Variants in LGR6 observed in about 807,000 individuals in gnomAD.
The protein encoded by LGR6 is leucine-rich repeat-containing G protein-coupled receptor 6.
Under a neutral mutation model 69.4 loss-of-function variants are expected in LGR6, and 45 were observed. That is an observed-to-expected ratio of 0.65 (90% CI 0.51 to 0.83). The LOEUF is 0.83. Ranked by LOEUF, LGR6 falls within the 40% of genes least tolerant of loss-of-function variation. The pLI is 0.00. For missense variants in LGR6, 1,108 were observed against 1,246.7 expected (o/e 0.89, Z 1.68); for synonymous variants, 538 against 555.0 (o/e 0.97, Z 0.43).
chr1:202,261,098 T>TATA (rs1664198022), intron 4 of LGR6, among the ~76,000 whole-genome samples: 1 of 151,992 alleles, frequency 6.6e-6, no homozygotes, highest in Admixed American at 6.6e-5. Context: ...TTATTATTAT[T>TATA]ATACTTTAAG....
chr1:202,278,451 G>A (rs1300213494), intron 5 of LGR6, among the ~76,000 whole-genome samples: 3 of 152,126 alleles, frequency 2.0e-5, no homozygotes, highest in East Asian at 3.9e-4. Flanking sequence ...GACAAGGAGG[G>A]ACAAGGGACT....
rs532147584 is a variant in LGR6, at chr1:202,210,776, G to A, written c.213-14647G>A. On this transcript the variant is annotated intron_variant, in intron 1 of 17. Coordinates refer to ENST00000367278, the MANE Select transcript of LGR6 (RefSeq NM_001017403.2). ...AAAATTTCCATCCAATTCCAAACAA[G>A]CTAGGACGAACAAAGGTATGTGCCT... 5 of 152,156 alleles carry A rather than the reference G, an allele frequency of 3.3e-5. No homozygotes were observed. The South Asian group carries it at 1.0e-3, about 32-fold the overall frequency. 9.4% of individuals were successfully genotyped at this position (152,156 alleles called of 1,614,324 possible).
At chr1:202,249,707 A>G (rs2148055231) in intron 4 of LGR6, among the ~76,000 whole-genome samples, 1 of 152,244 alleles carries the variant, frequency 6.6e-6, no homozygotes, top group African/African-American at 2.4e-5. Flanking sequence ...CACTGCATCC[A>G]ATCAATCAAG....
In LGR6 at chr1:202,194,160, G is replaced by C; in HGVS notation, c.171G>C (p.Leu57=). The C allele has an allele frequency of 1.3e-6, 2 of 1,573,560 alleles. No homozygotes were observed. The highest frequency in any genetic ancestry group is 2.4e-5 in the East Asian group (1 of 41,576). ...CTGCCGACTGCTCTGAGCTCGGGCT[G>C]TCCGCCGTTCCGGGGGACCTGGACC... is the stretch of plus-strand genomic sequence containing the variant. ...MLSADCSELG[L]SAVPGDLDPL... The change falls in exon 1 of 18, where the codon CTG becomes CTC. Residue 57 remains leucine, a synonymous_variant. Coordinates refer to ENST00000367278, the MANE Select transcript of LGR6 (RefSeq NM_001017403.2).
chr1:202,260,470 A>G (rs777061800), intron 4 of LGR6, among the ~76,000 whole-genome samples: 1 of 152,058 alleles, frequency 6.6e-6, no homozygotes, highest in Non-Finnish European at 1.5e-5. Context: ...AGTAGCTAGG[A>G]CTACAGGCAT....
At chr1:202,208,459 G>T (rs1338706087) in intron 1 of LGR6, among the ~76,000 whole-genome samples, 3 of 152,022 alleles carry the variant, frequency 2.0e-5, no homozygotes, top group Non-Finnish European at 1.5e-5. Flanking sequence ...AGACTGTGAT[G>T]TGAGGGAGGT....
intron 10 of LGR6, among the ~76,000 whole-genome samples, chr1:202,303,934 CAT>C (rs1355667960): frequency 2.0e-5 from 3 of 152,158 alleles, no homozygotes; most frequent in African/African-American, 7.2e-5. Flanking sequence ...GATTCACTGG[CAT>C]GTGGAAAATT....
intron 9 of LGR6, among the ~76,000 whole-genome samples, chr1:202,302,886 T>C (rs1166827297): frequency 6.6e-6 from 1 of 152,142 alleles, no homozygotes; most frequent in African/African-American, 2.4e-5. Context: ...CAGATGACAA[T>C]TTAGGGGTGA....
intron 16 of LGR6, among the ~76,000 whole-genome samples, chr1:202,314,227 C>G (rs1023052843): frequency 6.6e-6 from 1 of 152,184 alleles, no homozygotes; most frequent in African/African-American, 2.4e-5. Flanking sequence ...CCTAACAGTC[C>G]TTCAGCCCTT....
At chr1:202,226,132 A>G (rs60295471) in intron 2 of LGR6, among the ~76,000 whole-genome samples, 2,615 of 152,184 alleles carry the variant, frequency 0.017, 96 homozygotes, top group African/African-American at 0.06. Context: ...GGATTCTTCA[A>G]TCTGGCCTTA....
intron 4 of LGR6, among the ~76,000 whole-genome samples, chr1:202,264,540 C>T (rs1664498053): frequency 6.6e-6 from 1 of 152,284 alleles, no homozygotes; most frequent in East Asian, 1.9e-4. Context: ...CCACGAAGGT[C>T]GCCAGAAACC....
At chr1:202,231,952 C>T (rs368626530) in intron 3 of LGR6, among the ~76,000 whole-genome samples, 2 of 152,156 alleles carry the variant, frequency 1.3e-5, no homozygotes, top group East Asian at 1.9e-4. Flanking sequence ...ATTAGCAGGG[C>T]GTGGTGGCGC....
At chr1:202,262,854 G>C (rs2148111960) in intron 4 of LGR6, among the ~76,000 whole-genome samples, 1 of 152,136 alleles carries the variant, frequency 6.6e-6, no homozygotes, top group Non-Finnish European at 1.5e-5. Context: ...TTTGAATTTT[G>C]CTTTTTTAAT....
chr1:202,204,399 C>A (rs1658968008), intron 1 of LGR6, among the ~76,000 whole-genome samples: 1 of 128,574 alleles, frequency 7.8e-6, no homozygotes, highest in Non-Finnish European at 1.6e-5. Flanking sequence ...CACACACACA[C>A]CTCCAAACAC....
Position 202,194,031 on chromosome 1 carries a change from C to T in LGR6, c.42C>T (p.Ala14=), listed in dbSNP as rs1483602498. ...PPGLRALWLC[A]ALCASRRAGG... ...GGCTCCGGGCGCTATGGCTTTGCGC[C>T]GCGCTGTGCGCTTCCCGGAGGGCCG... Residue 14 remains alanine (A), a synonymous_variant, in exon 1 of 18, where the codon GCC becomes GCT. Transcript: ENST00000367278. 3.6e-6 allele frequency: 5 copies of T among 1,383,042 alleles called. No homozygotes were observed. The highest frequency in any genetic ancestry group is 4.6e-6 in the Non-Finnish European group (5 of 1,075,310). 85.7% of individuals were successfully genotyped at this position (1,383,042 alleles called of 1,614,324 possible).
At chr1:202,288,923 A>G (rs2148212578) in intron 6 of LGR6, among the ~76,000 whole-genome samples, 1 of 152,240 alleles carries the variant, frequency 6.6e-6, no homozygotes, top group South Asian at 2.1e-4. Flanking sequence ...ACGGGCCCCA[A>G]ACATCCAGGT....
chr1:202,197,041 A>G (rs1267777552), intron 1 of LGR6: 1 of 533,358 alleles, frequency 1.9e-6, no homozygotes, highest in Non-Finnish European at 3.8e-6. Context: ...AGGCCAGAGA[A>G]GACTCGAAGA....
At chr1:202,248,936 A>C (rs950413876) in intron 4 of LGR6, among the ~76,000 whole-genome samples, 1 of 152,124 alleles carries the variant, frequency 6.6e-6, no homozygotes, top group Admixed American at 6.6e-5. Context: ...CTGGGAGCCG[A>C]GGCACCACAG....
chr1:202,249,687 ACT>A (rs911127924), intron 4 of LGR6, among the ~76,000 whole-genome samples: 8 of 152,088 alleles, frequency 5.3e-5, no homozygotes, highest in African/African-American at 1.9e-4. Flanking sequence ...GTCATCCTTA[ACT>A]CTTTCACCAC....
Sources: gnomAD v4.1 joint callset for allele counts (sites outside exome capture counted in the v4.1 genomes callset) on GRCh38, gnomAD v4.1.1 for gene constraint, MANE v1.5 for transcripts, NCBI Gene and HGNC (gene_info 2026-07-23, HGNC 2026-07-21) for gene names.